Variants in PLG observed in about 807,000 individuals in gnomAD.
PLG encodes the protein plasminogen, also known as plasmin.
PLG carries 41 observed loss-of-function variants against 104.4 expected under a neutral mutation model. The ratio of observed to expected loss-of-function variants is 0.39; its 90% CI spans 0.31 to 0.51. The LOEUF is 0.51. Among genes scored for constraint, PLG ranks in the 20% least tolerant of loss-of-function variants. The pLI is 0.76. For missense variants in PLG, 891 were observed against 1,003.6 expected (o/e 0.89, Z 1.52); for synonymous variants, 337 against 357.1 (o/e 0.94, Z 0.63).
rs766676620 is a variant in PLG, at chr6:160,713,164, T to G, written c.547+39T>G. On this transcript the variant is annotated intron_variant, in intron 5 of 18. Coordinates refer to ENST00000308192, the MANE Select transcript of PLG (RefSeq NM_000301.5). ...CTAGAAAATGTTTTCATTTCTGCCC[T>G]TCACCTGTAAAATAATTTGTTGTAA... 3.3e-6 allele frequency: 5 copies of G among 1,532,394 alleles called. No individual in the cohort carries two copies. The South Asian group carries it at 5.6e-5, about 17-fold the overall frequency. The allele number at this position is 1,532,394 out of a possible 1,614,324, so 94.9% of individuals were successfully genotyped here. A position where few individuals can be genotyped will look rare whatever the true frequency, so the allele number is the denominator to read the frequency against.
At chr6:160,707,653 T>C (rs1355323833) in intron 2 of PLG, 47 bp from the exon 3 acceptor site, 1 of 1,513,456 alleles carries the variant, frequency 6.6e-7, no homozygotes. Flanking sequence ...ATTTGTTTTC[T>C]TTAAATAAAG....
At chr6:160,707,263 G>A (rs904711188) in intron 2 of PLG, among the ~76,000 whole-genome samples, 4 of 152,142 alleles carry the variant, frequency 2.6e-5, no homozygotes, top group Non-Finnish European at 4.4e-5. Flanking sequence ...CAGGACCACG[G>A]GATGGAGATG....
chr6:160,727,839 T>C (rs1422581759), intron 10 of PLG, among the ~76,000 whole-genome samples: 5 of 151,972 alleles, frequency 3.3e-5, no homozygotes, highest in Non-Finnish European at 7.4e-5. Context: ...TGGTGAAAGA[T>C]TAATGTTTTC....
Position 160,741,928 on chromosome 6 carries a change from CT to C in PLG, c.2125+512del, listed in dbSNP as rs1778203554. ...ACATGTGGTATTTGGTTTTCTGTTC[CT>C]GTGTTAGTTTTCTAAGAATAACGGC... On this transcript the variant is annotated intron_variant, in intron 17 of 18. Coordinates refer to ENST00000308192, the MANE Select transcript of PLG (RefSeq NM_000301.5). This position sits in a 1 kb window ranked among gnomAD's most constrained non-coding sequence, Gnocchi z 4.7. Among the ~76,000 whole-genome samples, 1 of 152,136 alleles carries C rather than the reference CT, an allele frequency of 6.6e-6. No homozygotes were observed. The highest frequency in any genetic ancestry group is 1.5e-5 in the Non-Finnish European group (1 of 68,016).
intron 8 of PLG, 33 bp from the exon 9 acceptor site, chr6:160,718,660 G>A (rs1392479407): frequency 8.1e-6 from 13 of 1,609,342 alleles, no homozygotes; most frequent in Non-Finnish European, 9.3e-6. Flanking sequence ...TTTTCTTTTT[G>A]GAAAGCTAAA....
rs373898312 is a variant in PLG at position 160,726,802 on chromosome 6, A to G, written c.1256+4235A>G. Among the ~76,000 whole-genome samples the G allele has an allele frequency of 5.9e-5, 9 of 152,090 alleles. No individual in the cohort carries two copies. The South Asian group carries it at 1.2e-3, about 21-fold the overall frequency. On this transcript the variant is annotated intron_variant, in intron 10 of 18. Coordinates refer to ENST00000308192, the MANE Select transcript of PLG (RefSeq NM_000301.5). The surrounding 1 kb of genome is among the most constrained non-coding windows in gnomAD (Gnocchi z 4.4). Reference sequence around the variant, plus strand: ...ATGAAAGCTCTTTAGGGTCCCCAATACTTTTTAAGAGTTAAAGGGGTCTTA... The same window carrying G: ...ATGAAAGCTCTTTAGGGTCCCCAATGCTTTTTAAGAGTTAAAGGGGTCTTA...
chr6:160,729,291 G>A (rs115970404), intron 10 of PLG, among the ~76,000 whole-genome samples: 1,578 of 152,248 alleles, frequency 0.01, 32 homozygotes, highest in African/African-American at 0.036. Context: ...TGCAGCTCTC[G>A]CATACGCTGG....
At position 160,734,745 on chromosome 6, in the gene PLG, GAAAAAAA is replaced by G. The variant is rs201754541; in HGVS notation, c.1681+670_1681+676del. On this transcript the variant is annotated intron_variant, in intron 13 of 18. Coordinates refer to ENST00000308192, the MANE Select transcript of PLG (RefSeq NM_000301.5). The surrounding 1 kb of genome is among the most constrained non-coding windows in gnomAD (Gnocchi z 4.4). ...GAATAACAAATCCATGGGTATTTCTGAAAAAAAAAAAAAAAAAAAGAAAGGAAGCTAC... is the reference window on the plus strand; with the variant it reads ...GAATAACAAATCCATGGGTATTTCTGAAAAAAAAAAAAGAAAGGAAGCTAC... Among the ~76,000 whole-genome samples the G allele has an allele frequency of 4.0e-3, 455 of 113,930 alleles. 8 individuals are homozygous for G. In the East Asian group the frequency reaches 0.063, roughly 16 times the overall value. The allele number at this position is 113,930 out of a possible 152,430, so 74.7% of individuals were successfully genotyped here. A position where few individuals can be genotyped will look rare whatever the true frequency, so the allele number is the denominator to read the frequency against.
chr6:160,729,843 C>T (rs1193550447), intron 10 of PLG, among the ~76,000 whole-genome samples: 1 of 152,196 alleles, frequency 6.6e-6, no homozygotes, highest in Admixed American at 6.5e-5. Context: ...TCAAAACTCA[C>T]CAAACAACAT....
chr6:160,709,347 AC>A (rs1430076816), intron 3 of PLG, among the ~76,000 whole-genome samples: 2 of 152,066 alleles, frequency 1.3e-5, no homozygotes, highest in Admixed American at 1.3e-4. Flanking sequence ...CAAGTCCAAG[AC>A]CCTATCACCA....
rs1220504111 is a variant in PLG at position 160,752,102 on chromosome 6, T to C, written c.2126-13T>C. On this transcript the variant is annotated splice_polypyrimidine_tract_variant and intron_variant, in intron 17 of 18. Coordinates refer to ENST00000308192, the MANE Select transcript of PLG (RefSeq NM_000301.5). This position sits in a 1 kb window ranked among gnomAD's most constrained non-coding sequence, Gnocchi z 4.7. ...GGGTGCAGTTGCCATTTCTTTCATC[T>C]TTTTAAACACAGGTACTTTTGGAGC... The C allele has an allele frequency of 6.2e-6, 10 of 1,612,094 alleles. No individual in the cohort carries two copies. Among genetic ancestry groups the C allele is most frequent in the African/African-American group, 1.3e-5 (1 of 75,002 alleles).
At chr6:160,714,061 G>C (rs1179793040) in intron 5 of PLG, among the ~76,000 whole-genome samples, 1 of 152,124 alleles carries the variant, frequency 6.6e-6, no homozygotes, top group African/African-American at 2.4e-5. Context: ...CCATGTTATA[G>C]GTATTTGCCC....
rs1778081180 is a variant in PLG at position 160,736,212 on chromosome 6, C to T, written c.1682-675C>T. ...TCCCTACCTCCAGAGACCCTGTGGG[C>T]TGGCTACAGAGAGAAGGCAGGGAGG... On this transcript the variant is annotated intron_variant, in intron 13 of 18. Transcript: ENST00000308192. This position sits in a 1 kb window ranked among gnomAD's most constrained non-coding sequence, Gnocchi z 5.2. Among the ~76,000 whole-genome samples the T allele has an allele frequency of 6.6e-6, 1 of 152,166 alleles. No individual in the cohort carries two copies. The highest frequency in any genetic ancestry group is 6.5e-5 in the Admixed American group (1 of 15,286).
chr6:160,712,895 A>G, intron 4 of PLG, 91 bp from the exon 5 acceptor site: 2 of 949,306 alleles, frequency 2.1e-6, no homozygotes, highest in Non-Finnish European at 1.7e-6. Context: ...TGACAATCTC[A>G]GATGGGAATC....
Position 160,723,140 on chromosome 6 carries a change from T to C in PLG, c.1256+573T>C, listed in dbSNP as rs896565903. ...ATGTGTGTATATATATGTACACATA[T>C]ATGTGTGTATATTAGAATATATATA... is the stretch of plus-strand genomic sequence containing the variant. On this transcript the variant is annotated intron_variant, in intron 10 of 18. Transcript: ENST00000308192. The surrounding 1 kb of genome is among the most constrained non-coding windows in gnomAD (Gnocchi z 4.7). Among the ~76,000 whole-genome samples the C allele has an allele frequency of 6.6e-6, 1 of 150,718 alleles. No homozygotes were observed. The highest frequency in any genetic ancestry group is 1.5e-5 in the Non-Finnish European group (1 of 67,824).
intron 17 of PLG, among the ~76,000 whole-genome samples, chr6:160,742,739 G>A (rs922448973): frequency 1.3e-5 from 2 of 152,048 alleles, no homozygotes; most frequent in Admixed American, 6.6e-5. Flanking sequence ...TGTCCAGGAT[G>A]GTGTTACCTA....
rs1034269215 is a variant in PLG, at chr6:160,737,767, G to A, written c.1802+760G>A. 6.6e-5 allele frequency among the ~76,000 whole-genome samples: 10 copies of A among 152,132 alleles called. No individual in the cohort carries two copies. Among genetic ancestry groups the A allele is most frequent in the African/African-American group, 9.7e-5 (4 of 41,412 alleles). The stretch of plus-strand genomic sequence containing the variant: ...TTCCATAAGTTTGTGAAATGCCATC[G>A]ACAAACCTGATCGCATTGCATTTCA... On this transcript the variant is annotated intron_variant, in intron 14 of 18. Coordinates refer to ENST00000308192, the MANE Select transcript of PLG (RefSeq NM_000301.5). The surrounding 1 kb of genome is among the most constrained non-coding windows in gnomAD (Gnocchi z 4.7).
At position 160,741,618 on chromosome 6, in the gene PLG, GTCTCTCTC is replaced by G. The variant is rs4252172; in HGVS notation, c.2125+211_2125+218del. ...AAAGGGAGGAAAACTGTGTCTTTGA[GTCTCTCTC>G]TCTCTCTCTGTTTTCAGAACATTTT... On this transcript the variant is annotated intron_variant, in intron 17 of 18. Coordinates refer to ENST00000308192, the MANE Select transcript of PLG (RefSeq NM_000301.5). This position sits in a 1 kb window ranked among gnomAD's most constrained non-coding sequence, Gnocchi z 4.7. Among the ~76,000 whole-genome samples the G allele has an allele frequency of 1.5e-4, 22 of 150,532 alleles. No individual in the cohort carries two copies. Among genetic ancestry groups the G allele is most frequent in the Non-Finnish European group, 3.0e-4 (20 of 67,410 alleles).
chr6:160,747,412 T>A (rs1437402495), intron 17 of PLG, among the ~76,000 whole-genome samples: 2 of 152,184 alleles, frequency 1.3e-5, no homozygotes, highest in African/African-American at 4.8e-5. Context: ...TGTCTTAGGA[T>A]CCCTGCTGCA....
Sources: gnomAD v4.1 joint callset for allele counts (sites outside exome capture counted in the v4.1 genomes callset) on GRCh38, gnomAD v4.1.1 for gene constraint, Gnocchi (gnomAD v3.1) non-coding constraint, MANE v1.5 for transcripts, NCBI Gene and HGNC (gene_info 2026-07-23, HGNC 2026-07-21) for gene names.